The following ELF2 variants were observed in gnomAD, a reference collection of about 807,000 sequenced individuals.
ELF2 encodes E74 like ETS transcription factor 2.
ELF2 carries 11 observed loss-of-function variants against 54.8 expected under a neutral mutation model. The observed-to-expected ratio is 0.20, with a 90% CI of 0.13 to 0.33. The LOEUF (loss-of-function observed/expected upper bound fraction) is 0.33. Among genes scored for constraint, ELF2 ranks in the 10% least tolerant of loss-of-function variants. The pLI, the probability that ELF2 is intolerant of heterozygous loss-of-function variation, is 1.00. For missense variants in ELF2, 513 were observed against 703.0 expected (o/e 0.73, Z 3.06); for synonymous variants, 203 against 245.1 (o/e 0.83, Z 1.61).
At chr4:139,067,538 T>C (rs2148679904) in intron 7 of ELF2, 146 bp downstream of exon 7, 1 of 732,454 alleles carries the variant, frequency 1.4e-6, no homozygotes, top group Non-Finnish European at 2.2e-6. Flanking sequence ...CCCCACGTGA[T>C]GCTGATACAT....
intron 4 of ELF2, among the ~76,000 whole-genome samples, chr4:139,124,640 G>A (rs76036555): frequency 0.13 from 20,441 of 152,006 alleles, 1,651 homozygotes; most frequent in Middle Eastern, 0.25. Flanking sequence ...TAAACATATA[G>A]CTATCTCACC....
chr4:139,149,425 C>G (rs2148881182), intron 1 of ELF2, among the ~76,000 whole-genome samples: 1 of 152,140 alleles, frequency 6.6e-6, no homozygotes, highest in East Asian at 1.9e-4. Context: ...GCCTGGCCAA[C>G]ATGGTGAAAC....
chr4:139,061,734 TAAG>T (rs1305204750), intron 8 of ELF2, 128 bp downstream of exon 8: 33 of 1,009,682 alleles, frequency 3.3e-5, no homozygotes, highest in Non-Finnish European at 4.5e-5. Flanking sequence ...CTTCCAAATC[TAAG>T]AAGCTCCTCT....
chr4:139,111,519 G>C (rs1734948516), intron 4 of ELF2, among the ~76,000 whole-genome samples: 1 of 138,378 alleles, frequency 7.2e-6, no homozygotes, highest in Non-Finnish European at 1.5e-5. Flanking sequence ...GTACAGACAA[G>C]GTCTCAATAT....
intron 6 of ELF2, among the ~76,000 whole-genome samples, chr4:139,071,167 C>G (rs1267071806): frequency 6.6e-6 from 1 of 151,910 alleles, no homozygotes; most frequent in East Asian, 1.9e-4. Flanking sequence ...TTAGGTCAAT[C>G]AGAAGTCTCT....
intron 4 of ELF2, among the ~76,000 whole-genome samples, chr4:139,099,116 C>T (rs1392566934): frequency 5.3e-5 from 8 of 152,198 alleles, no homozygotes; most frequent in Non-Finnish European, 1.2e-4. Context: ...AATAATGTTT[C>T]ATACAGTTCC....
intron 3 of ELF2, among the ~76,000 whole-genome samples, chr4:139,134,527 T>TTATTGTATTGTATTGTATTGTATTG (rs542901294): frequency 4.6e-5 from 7 of 150,878 alleles, no homozygotes; most frequent in African/African-American, 1.7e-4. Context: ...TGGCTAGTAT[T>TTATTGTATTGTATTGTATTGTATTG]TATTGTATTG....
chr4:139,166,336 G>A (rs758785986), intron 1 of ELF2, among the ~76,000 whole-genome samples: 31 of 152,040 alleles, frequency 2.0e-4, no homozygotes, highest in Non-Finnish European at 2.9e-4. Context: ...GCAGTAAGCC[G>A]ACATCAGGCC....
At chr4:139,113,184 CTT>C (rs1735159170) in intron 4 of ELF2, among the ~76,000 whole-genome samples, 1 of 151,976 alleles carries the variant, frequency 6.6e-6, no homozygotes, top group Non-Finnish European at 1.5e-5. Context: ...ATACTGAGAT[CTT>C]GTCTCTGCAA....
chr4:139,106,189 C>T lies in ELF2; in HGVS notation c.238+18975G>A, dbSNP rs571436935. Among the ~76,000 whole-genome samples, 47 of 152,182 alleles carry T rather than the reference C, an allele frequency of 3.1e-4. No homozygotes were observed. The South Asian group carries it at 9.6e-3, about 31-fold the overall frequency. On this transcript the variant is annotated intron_variant, in intron 4 of 9. Transcript: ENST00000686138. ...AATGTTCAGCCAAAGAAATTAAATT[C>T]TCACTCCATTAACGAATATGAAAAA...
At chr4:139,106,156 ATATAT>A (rs1286431268) in intron 4 of ELF2, among the ~76,000 whole-genome samples, 1 of 152,242 alleles carries the variant, frequency 6.6e-6, no homozygotes, top group African/African-American at 2.4e-5. Flanking sequence ...ATTTAAAGAA[ATATAT>A]TAAATGTTCA....
Position 139,084,098 on chromosome 4 carries a change from A to G in ELF2, c.239-10531T>C, listed in dbSNP as rs769856287. ...TTCTGTGCACCCCCTCTCCTGCTGC[A>G]CCGATGCACGGGAGAAAAGTTCCCC... On this transcript the variant is annotated intron_variant, in intron 4 of 9. Transcript: ENST00000686138. The G allele has an allele frequency of 3.1e-6, 5 of 1,612,404 alleles. No homozygotes were observed. The South Asian group carries it at 4.4e-5, about 14-fold the overall frequency.
At chr4:139,163,868 C>T (rs1482185215) in intron 1 of ELF2, among the ~76,000 whole-genome samples, 1 of 150,140 alleles carries the variant, frequency 6.7e-6, no homozygotes, top group African/African-American at 2.5e-5. Flanking sequence ...GAGGTATGAT[C>T]GCAGTGGAGA....
chr4:139,077,871 ACT>A (rs1251121863), intron 4 of ELF2, among the ~76,000 whole-genome samples: 1 of 152,158 alleles, frequency 6.6e-6, no homozygotes, highest in African/African-American at 2.4e-5. Flanking sequence ...AAAATAAATA[ACT>A]CATTTTAAAA....
At chr4:139,062,936 C>T (rs888459137) in intron 7 of ELF2, among the ~76,000 whole-genome samples, 2 of 152,176 alleles carry the variant, frequency 1.3e-5, no homozygotes, top group Non-Finnish European at 2.9e-5. Flanking sequence ...TCTGTACTAC[C>T]AGTCAATTAA....
At position 139,113,576 on chromosome 4, in the gene ELF2, G is replaced by A. The variant is rs150446218; in HGVS notation, c.238+11588C>T. On this transcript the variant is annotated intron_variant, in intron 4 of 9. Coordinates refer to ENST00000686138, the MANE Select transcript of ELF2 (RefSeq NM_001331036.3). ...TGTCTCAAAAAAAAATTGGCCGAGCGCAATGGCTCATGCCTGTAATCCCAG... is the reference window on the plus strand; with the variant it reads ...TGTCTCAAAAAAAAATTGGCCGAGCACAATGGCTCATGCCTGTAATCCCAG... Among the ~76,000 whole-genome samples the A allele has an allele frequency of 4.5e-3, 676 of 151,872 alleles. 9 individuals carry two copies. The highest frequency in any genetic ancestry group is 0.015 in the African/African-American group (640 of 41,404).
chr4:139,174,685 T>G (rs1742730005), intron 1 of ELF2, among the ~76,000 whole-genome samples: 1 of 152,234 alleles, frequency 6.6e-6, no homozygotes, highest in African/African-American at 2.4e-5. Flanking sequence ...AACAACTATT[T>G]ACATAGCATC....
At chr4:139,077,679 G>A (rs1419519965) in intron 4 of ELF2, among the ~76,000 whole-genome samples, 1 of 152,044 alleles carries the variant, frequency 6.6e-6, no homozygotes, top group African/African-American at 2.4e-5. Context: ...ATTTTGTTCA[G>A]ATCAATAATT....
intron 4 of ELF2, among the ~76,000 whole-genome samples, chr4:139,077,160 T>C (rs1213343673): frequency 6.6e-6 from 1 of 152,166 alleles, no homozygotes; most frequent in Non-Finnish European, 1.5e-5. Context: ...CCAAAATGCT[T>C]AGGACCAGAA....
Sources: allele counts gnomAD v4.1 joint callset (sites outside exome capture counted in the v4.1 genomes callset), GRCh38; gene constraint gnomAD v4.1.1; transcripts MANE v1.5; gene names NCBI Gene and HGNC (gene_info 2026-07-23, HGNC 2026-07-21).